RPN2: variants seen among roughly 807,000 people sequenced by gnomAD.
RPN2 encodes dolichyl-diphosphooligosaccharide--protein glycosyltransferase subunit 2.
A neutral mutation model predicts 71.4 loss-of-function variants in RPN2; 29 were observed. The ratio of observed to expected loss-of-function variants is 0.41; its 90% confidence interval spans 0.30 to 0.55. The LOEUF (loss-of-function observed/expected upper bound fraction) is 0.55. Ranked by LOEUF, RPN2 falls within the 20% of genes least tolerant of loss-of-function variation. The pLI, the probability that RPN2 is intolerant of heterozygous loss-of-function variation, is 0.35. For missense variants in RPN2, 726 were observed against 774.1 expected, an observed-to-expected ratio of 0.94 and a Z score of 0.74; for synonymous variants, 308 against 305.0, an observed-to-expected ratio of 1.01 and a Z score of -0.10.
chr20:37,182,765 T>C (rs2066915299), intron 1 of RPN2, among the ~76,000 whole-genome samples: 1 of 152,168 alleles, frequency 6.6e-6, no homozygotes, highest in Admixed American at 6.5e-5. Context: ...TTAGGGCCAC[T>C]CATGTTAGCC....
chr20:37,201,360 C>G (rs1447336745), intron 4 of RPN2, among the ~76,000 whole-genome samples: 1 of 145,772 alleles, frequency 6.9e-6, no homozygotes, highest in Non-Finnish European at 1.5e-5. Context: ...TTAAAGCTCA[C>G]TACAACCTCA....
chr20:37,221,195 C>CT (rs1176292055), intron 9 of RPN2, among the ~76,000 whole-genome samples: 27,519 of 135,204 alleles, frequency 0.2, 3,059 homozygotes, highest in Middle Eastern at 0.31. Context: ...TTACACAATT[C>CT]TTTTTTTTTT....
At chr20:37,206,133 A>G (rs1231376209) in intron 6 of RPN2, among the ~76,000 whole-genome samples, 2 of 152,210 alleles carry the variant, frequency 1.3e-5, no homozygotes, top group Non-Finnish European at 2.9e-5. Flanking sequence ...AACAAAACTG[A>G]TTGAAGGGGA....
chr20:37,189,906 G>C (rs1182313560), intron 2 of RPN2, among the ~76,000 whole-genome samples: 1 of 152,220 alleles, frequency 6.6e-6, no homozygotes, highest in African/African-American at 2.4e-5. Context: ...TATTCGCAGT[G>C]CCTTTTGTAG....
chr20:37,206,143 A>C (rs1468464380), intron 6 of RPN2, among the ~76,000 whole-genome samples: 1 of 152,224 alleles, frequency 6.6e-6, no homozygotes, highest in Non-Finnish European at 1.5e-5. Flanking sequence ...ATTGAAGGGG[A>C]AAATGTTTCC....
At chr20:37,238,527 C>T (rs1289986887) in intron 16 of RPN2, 1 of 1,038,890 alleles carries the variant, frequency 9.6e-7, no homozygotes, top group African/African-American at 1.6e-5. Context: ...TCAGTTATCT[C>T]TCTAGTTTTC....
intron 9 of RPN2, among the ~76,000 whole-genome samples, chr20:37,220,361 G>A (rs912288713): frequency 1.3e-5 from 2 of 152,158 alleles, no homozygotes; most frequent in Non-Finnish European, 2.9e-5. Flanking sequence ...GTGCATTAAC[G>A]GTGGTTTGGT....
intron 1 of RPN2, among the ~76,000 whole-genome samples, chr20:37,183,031 G>A (rs1400041363): frequency 1.3e-5 from 2 of 152,170 alleles, no homozygotes; most frequent in Non-Finnish European, 2.9e-5. Context: ...AACAAAAGAA[G>A]CAGTCTTTAT....
intron 9 of RPN2, among the ~76,000 whole-genome samples, chr20:37,215,597 A>G (rs2067787605): frequency 6.6e-6 from 1 of 152,024 alleles, no homozygotes; most frequent in South Asian, 2.1e-4. Context: ...TGCCAGGCTT[A>G]TACCTCACAG....
intron 1 of RPN2, among the ~76,000 whole-genome samples, chr20:37,182,907 C>T (rs2066918536): frequency 6.6e-6 from 1 of 152,148 alleles, no homozygotes; most frequent in African/African-American, 2.4e-5. Context: ...CCTGCAGCTT[C>T]CTGTCCCCTG....
chr20:37,199,320 A>T (rs1377574801), intron 4 of RPN2, 95 bp downstream of exon 4: 2 of 1,477,660 alleles, frequency 1.4e-6, no homozygotes, highest in African/African-American at 2.8e-5. Context: ...CTTTCTGGGC[A>T]AGTACTTGCA....
intron 14 of RPN2, among the ~76,000 whole-genome samples, chr20:37,233,798 C>T (rs1238727896): frequency 6.6e-6 from 1 of 152,108 alleles, no homozygotes; most frequent in Non-Finnish European, 1.5e-5. Context: ...TTACACGAGC[C>T]CATTTGAGAG....
intron 2 of RPN2, among the ~76,000 whole-genome samples, chr20:37,194,960 G>A (rs1436845465): frequency 1.3e-5 from 2 of 152,152 alleles, no homozygotes; most frequent in African/African-American, 2.4e-5. Flanking sequence ...TTTTCTATAG[G>A]CCTCCGTATT....
At chr20:37,196,635 T>G (rs1013112223) in intron 2 of RPN2, among the ~76,000 whole-genome samples, 4 of 152,114 alleles carry the variant, frequency 2.6e-5, no homozygotes, top group African/African-American at 9.7e-5. Flanking sequence ...CAACCTCACC[T>G]TCATAAAGTG....
At chr20:37,197,375 G>A (rs1475655821) in intron 2 of RPN2, among the ~76,000 whole-genome samples, 1 of 152,174 alleles carries the variant, frequency 6.6e-6, no homozygotes, top group Admixed American at 6.5e-5. Context: ...GACTGACTGG[G>A]ACAATGTAGG....
chr20:37,236,750 A>G, intron 16 of RPN2, 41 bp downstream of exon 16: 4 of 1,603,202 alleles, frequency 2.5e-6, no homozygotes, highest in Non-Finnish European at 3.4e-6. Context: ...GTAGGGTTAG[A>G]AATACTCAGC....
chr20:37,233,530 A>G (rs1025743083), intron 14 of RPN2, among the ~76,000 whole-genome samples: 2 of 152,222 alleles, frequency 1.3e-5, no homozygotes, highest in Non-Finnish European at 2.9e-5. Flanking sequence ...AAGCCTTGCT[A>G]CAGGTTTTCA....
intron 8 of RPN2, among the ~76,000 whole-genome samples, chr20:37,211,637 A>G (rs1259226197): frequency 1.0e-5 from 1 of 96,202 alleles, no homozygotes; most frequent in African/African-American, 3.8e-5. Flanking sequence ...GCGAGGCTCC[A>G]TCTCTATTAA....
In RPN2 at chr20:37,204,841, A is replaced by G. The variant is rs915650059; in HGVS notation, c.630A>G (p.Leu210=). ...QFEEGLETTA[L]FVAATYKLMD... ...AAGAAGGACTGGAAACAACAGCGTTATTTGTGGCTGCCACCTACAAGCTCA... is the reference window on the plus strand; with the variant it reads ...AAGAAGGACTGGAAACAACAGCGTTGTTTGTGGCTGCCACCTACAAGCTCA... The change falls in exon 6 of 17, where the codon TTA becomes TTG. Residue 210 remains leucine (L), a synonymous_variant. Coordinates refer to ENST00000237530, the MANE Select transcript of RPN2 (RefSeq NM_002951.5). 3.1e-6 allele frequency: 5 copies of G among 1,614,056 alleles called. No homozygotes were observed. In the African/African-American group the frequency reaches 5.3e-5, roughly 17 times the overall value.
Sources: gnomAD v4.1 joint callset for allele counts (sites outside exome capture counted in the v4.1 genomes callset) on GRCh38, gnomAD v4.1.1 for gene constraint, MANE v1.5 for transcripts, NCBI Gene and HGNC (gene_info 2026-07-23, HGNC 2026-07-21) for gene names.